The following TMSB10 variants were observed in gnomAD, a reference collection of about 807,000 sequenced individuals.
TMSB10 encodes thymosin beta-10.
TMSB10 carries 4 observed loss-of-function variants against 4.5 expected under a neutral mutation model. That is an observed-to-expected ratio of 0.89 (90% CI 0.44 to 2.03). The LOEUF (loss-of-function observed/expected upper bound fraction) is 2.03, where lower values mean the gene tolerates loss of function less well. Ranked by LOEUF, TMSB10 falls within the 30% of genes most tolerant of loss-of-function variation. TMSB10 has a pLI of 0.03. For missense variants in TMSB10, 44 were observed against 53.9 expected, an observed-to-expected ratio of 0.82 and a Z score of 0.57; for synonymous variants, 17 against 20.3, an observed-to-expected ratio of 0.84 and a Z score of 0.44.
chr2:84,906,412 GA>G lies in TMSB10; in HGVS notation c.127del (p.Ile43PhefsTer19). ...KETIEQEKRSEIS is the reference protein window; with the variant it reads ...KETIEQEKRSXIS ...AGCCATTGAGCAGGAGAAGCGGAGT[GA>G]AATTTCCTAAGATCCTGGAGGATTT... On this transcript the variant is annotated frameshift_variant, in exon 3 of 3. Transcript: ENST00000233143. LOFTEE classifies it high-confidence loss of function. The G allele has an allele frequency of 6.2e-7, 1 of 1,606,572 alleles. No individual in the cohort carries two copies. Among genetic ancestry groups the G allele is most frequent in the Non-Finnish European group, 8.5e-7 (1 of 1,177,862 alleles).
chr2:84,906,141 G>A, intron 2 of TMSB10, 24 bp downstream of exon 2: 1 of 1,608,494 alleles, frequency 6.2e-7, no homozygotes, highest in Non-Finnish European at 8.5e-7. Context: ...GGTCTCCCGC[G>A]CCCCAGCCCA....
chr2:84,906,417 T>G lies in TMSB10; in HGVS notation c.129T>G (p.Ile43Met), dbSNP rs749822217. ...ETIEQEKRSE[I>M]S ...TTGAGCAGGAGAAGCGGAGTGAAAT[T>G]TCCTAAGATCCTGGAGGATTTCCTA... Residue 43 changes from isoleucine to methionine, a missense_variant, in exon 3 of 3, where the codon ATT (isoleucine) becomes ATG (methionine). Physicochemically the swap from Ile to Met is conservative, Grantham distance 10. Transcript: ENST00000233143. 1.2e-6 allele frequency: 2 copies of G among 1,606,438 alleles called. No homozygotes were observed. The highest frequency in any genetic ancestry group is 1.7e-5 in the Admixed American group (1 of 59,462).
At chr2:84,905,967 C>G in intron 1 of TMSB10, 36 bp from the exon 2 acceptor site, 4 of 1,572,076 alleles carry the variant, frequency 2.5e-6, no homozygotes, top group Non-Finnish European at 3.5e-6. Context: ...ACGCTGGCCC[C>G]CAGGCCCAGG....
intron 2 of TMSB10, 36 bp from the exon 3 acceptor site, chr2:84,906,353 A>G (rs1683693586): frequency 1.3e-5 from 20 of 1,579,444 alleles, no homozygotes; most frequent in Non-Finnish European, 1.7e-5. Flanking sequence ...TGGGGGTTGC[A>G]GCTCCCCTCC....
At chr2:84,906,310 C>G (rs1573973671) in intron 2 of TMSB10, 79 bp from the exon 3 acceptor site, 1 of 1,512,710 alleles carries the variant, frequency 6.6e-7, no homozygotes, top group Admixed American at 2.1e-5. Context: ...TCGTGGGTGC[C>G]TCGCCCACAC....
Position 84,905,724 on chromosome 2 carries a change from T to G in TMSB10, c.-16+6T>G. 2 of 277,684 alleles carry G rather than the reference T, an allele frequency of 7.2e-6. No individual in the cohort carries two copies. Among genetic ancestry groups the G allele is most frequent in the Non-Finnish European group, 1.4e-5 (2 of 146,800 alleles). The allele number at this position is 277,684 out of a possible 1,614,324, so 17.2% of individuals were successfully genotyped here. On this transcript the variant is annotated splice_donor_region_variant and intron_variant, in intron 1 of 2. Coordinates refer to ENST00000233143, the MANE Select transcript of TMSB10 (RefSeq NM_021103.4). The stretch of plus-strand genomic sequence containing the variant: ...GCTCGGAACGAGACTGCACGGTGAG[T>G]GCGGCGCCGGGGCGGGGGGCCCACC...
At position 84,906,118 on chromosome 2, in the gene TMSB10, G is replaced by A. The variant is rs771821040; in HGVS notation, c.100+1G>A. 2.5e-6 allele frequency: 4 copies of A among 1,613,750 alleles called. No individual in the cohort carries two copies. Among genetic ancestry groups the A allele is most frequent in the Non-Finnish European group, 3.4e-6 (4 of 1,179,748 alleles). On this transcript the variant is annotated splice_donor_variant, in intron 2 of 2. Coordinates refer to ENST00000233143, the MANE Select transcript of TMSB10 (RefSeq NM_021103.4). LOFTEE classifies it high-confidence loss of function. ...AAGAACACCCTGCCGACCAAAGAGA[G>A]TGAGTGTGCCTCGGTCTCCCGCGCC... is the stretch of plus-strand genomic sequence containing the variant.
At position 84,906,543 on chromosome 2, in the gene TMSB10, C is replaced by G. The variant is rs1474826751; in HGVS notation, c.*120C>G. On this transcript the variant is annotated 3_prime_UTR_variant, in exon 3 of 3. Coordinates refer to ENST00000233143, the MANE Select transcript of TMSB10 (RefSeq NM_021103.4). ...CACTGTGAACCTGGGCACTCCGCGC[C>G]GATGCCACCGGCCTGTGGGTCTCTG... The G allele has an allele frequency of 8.5e-7, 1 of 1,181,262 alleles. No individual in the cohort carries two copies. The highest frequency in any genetic ancestry group is 2.9e-5 in the East Asian group (1 of 34,894). 73.2% of individuals were successfully genotyped at this position (1,181,262 alleles called of 1,614,324 possible). A position where few individuals can be genotyped will look rare whatever the true frequency, so the allele number is the denominator to read the frequency against.
chr2:84,906,345 G>T (rs1242704175), intron 2 of TMSB10, 44 bp from the exon 3 acceptor site: 1 of 1,568,390 alleles, frequency 6.4e-7, no homozygotes, highest in African/African-American at 1.3e-5. Flanking sequence ...GTTGCGGGTG[G>T]GGGTTGCAGC....
intron 1 of TMSB10, 103 bp from the exon 2 acceptor site, chr2:84,905,900 G>C: frequency 1.1e-6 from 1 of 941,036 alleles, no homozygotes; most frequent in Non-Finnish European, 1.6e-6. Flanking sequence ...GGGGCTGCTC[G>C]GCACGCCTTG....
chr2:84,906,015 A>G lies in TMSB10; in HGVS notation c.-3A>G. On this transcript the variant is annotated 5_prime_UTR_variant, in exon 2 of 3. Coordinates refer to ENST00000233143, the MANE Select transcript of TMSB10 (RefSeq NM_021103.4). ...GTTTGCCCACTAGGATTGTTTTAAG[A>G]AAATGGCAGACAAACCAGACATGGG... 1 of 1,613,878 alleles carries G rather than the reference A, an allele frequency of 6.2e-7. No individual in the cohort carries two copies. The highest frequency in any genetic ancestry group is 8.5e-7 in the Non-Finnish European group (1 of 1,179,916).
In TMSB10 at chr2:84,906,254, G is replaced by A. The variant is rs562400187; in HGVS notation, c.101-135G>A. ...GGCCACTCTTTCAGTTTCACAAAGC[G>A]CCTTGTTTCTCCCCAGCCCCAAGCT... On this transcript the variant is annotated intron_variant, in intron 2 of 2. Coordinates refer to ENST00000233143, the MANE Select transcript of TMSB10 (RefSeq NM_021103.4). 2,408 of 1,430,564 alleles carry A rather than the reference G, an allele frequency of 1.7e-3. 2 individuals carry two copies. Among genetic ancestry groups the A allele is most frequent in the Non-Finnish European group, 2.1e-3 (2,238 of 1,060,510 alleles). 88.6% of individuals were successfully genotyped at this position (1,430,564 alleles called of 1,614,324 possible).
In TMSB10 at chr2:84,906,407, G is replaced by A. The variant is rs1268526849; in HGVS notation, c.119G>A (p.Arg40Gln). ...TCCACAGCCATTGAGCAGGAGAAGC[G>A]GAGTGAAATTTCCTAAGATCCTGGA... The part of the protein sequence containing the change: ...PTKETIEQEK[R>Q]SEIS Residue 40 changes from arginine to glutamine, a missense_variant, in exon 3 of 3, where the codon CGG becomes CAG. Arg to Gln is a conservative substitution (Grantham distance 43). Coordinates refer to ENST00000233143, the MANE Select transcript of TMSB10 (RefSeq NM_021103.4). 6 of 1,606,140 alleles carry A rather than the reference G, an allele frequency of 3.7e-6. No homozygotes were observed. The African/African-American group carries it at 5.3e-5, about 14-fold the overall frequency.
At chr2:84,905,812 CGGACCGGACGCAGG>C in intron 1 of TMSB10, 94 bp downstream of exon 1, 1 of 437,620 alleles carries the variant, frequency 2.3e-6, no homozygotes. Flanking sequence ...GCGCCCTTCT[CGGACCGGACGCAGG>C]GGCCGGCGAC....
In TMSB10 at chr2:84,906,583, C is replaced by G. The variant is rs991995204; in HGVS notation, c.*160C>G. On this transcript the variant is annotated 3_prime_UTR_variant, in exon 3 of 3. Transcript: ENST00000233143. ...GTGGGTCTCTGAAGGGACCCCCCCC[C>G]AATCGGACTGCCAAATTCTCCGGTT... The G allele has an allele frequency of 2.9e-5, 19 of 644,614 alleles. No homozygotes were observed. The highest frequency in any genetic ancestry group is 1.2e-4 in the Admixed American group (3 of 25,432). 39.9% of individuals were successfully genotyped at this position (644,614 alleles called of 1,614,324 possible).
At position 84,906,089 on chromosome 2, in the gene TMSB10, G is replaced by A. The variant is rs1683687386; in HGVS notation, c.72G>A (p.Gln24=). 1 of 1,614,108 alleles carries A rather than the reference G, an allele frequency of 6.2e-7. No homozygotes were observed. The highest frequency in any genetic ancestry group is 1.7e-5 in the Admixed American group (1 of 60,020). The part of the protein sequence containing the change: ...DKAKLKKTET[Q]EKNTLPTKET... ...CCAAGCTGAAGAAAACGGAGACGCA[G>A]GAGAAGAACACCCTGCCGACCAAAG... Residue 24 remains glutamine (Q), a synonymous_variant, in exon 2 of 3, where the codon CAG becomes CAA. Transcript: ENST00000233143.
At position 84,906,382 on chromosome 2, in the gene TMSB10, TC is replaced by T; in HGVS notation, c.101-5del. ...CCCCTCCAGCGCCCGCTTCCCGCTC[TC>T]CACAGCCATTGAGCAGGAGAAGCGG... On this transcript the variant is annotated splice_polypyrimidine_tract_variant and splice_region_variant and intron_variant, in intron 2 of 2. Transcript: ENST00000233143. 1 of 1,602,216 alleles carries T rather than the reference TC, an allele frequency of 6.2e-7. No homozygotes were observed. Among genetic ancestry groups the T allele is most frequent in the Non-Finnish European group, 8.5e-7 (1 of 1,175,268 alleles).
At chr2:84,906,164 G>A (rs1683688992) in intron 2 of TMSB10, 47 bp downstream of exon 2, 1 of 1,577,198 alleles carries the variant, frequency 6.3e-7, no homozygotes, top group Non-Finnish European at 8.6e-7. Flanking sequence ...CCCTCACCCT[G>A]CTCTTCCTTG....
chr2:84,905,904 C>A, intron 1 of TMSB10, 99 bp from the exon 2 acceptor site: 1 of 979,686 alleles, frequency 1.0e-6, no homozygotes, highest in Non-Finnish European at 1.6e-6. Flanking sequence ...CTGCTCGGCA[C>A]GCCTTGGCGC....
Sources: gnomAD v4.1 joint callset for allele counts on GRCh38, gnomAD v4.1.1 for gene constraint, MANE v1.5 for transcripts, NCBI Gene and HGNC (gene_info 2026-07-23, HGNC 2026-07-21) for gene names.